The following PROX2 variants were observed in gnomAD, a reference collection of about 807,000 sequenced individuals.
PROX2 encodes prospero homeobox protein 2.
Under a neutral mutation model 48.9 loss-of-function variants are expected in PROX2, and 46 were observed. The ratio of observed to expected loss-of-function variants is 0.94; its 90% CI spans 0.74 to 1.20. PROX2 has a LOEUF of 1.20. Ranked by LOEUF, PROX2 falls within the 50% of genes most tolerant of loss-of-function variation. The pLI is 0.00. For missense variants in PROX2, 663 were observed against 719.4 expected (o/e 0.92, Z 0.90); for synonymous variants, 260 against 276.6 (o/e 0.94, Z 0.60).
At chr14:74,872,619 A>G (rs1213307054) in intron 1 of PROX2, among the ~76,000 whole-genome samples, 1 of 152,230 alleles carries the variant, frequency 6.6e-6, no homozygotes, top group African/African-American at 2.4e-5. Context: ...ACTGATGAAG[A>G]CTTGTTCAGG....
chr14:74,870,912 T>C (rs1883196948), intron 2 of PROX2, among the ~76,000 whole-genome samples, 191 bp downstream of exon 2: 1 of 152,114 alleles, frequency 6.6e-6, no homozygotes, highest in South Asian at 2.1e-4. Flanking sequence ...CGTGGTGGCA[T>C]GCATCTGTAA....
At chr14:74,873,866 T>C (rs1883274915) in intron 1 of PROX2, 7 of 446,664 alleles carry the variant, frequency 1.6e-5, no homozygotes, top group South Asian at 8.4e-5. Flanking sequence ...TAGGCTGTAG[T>C]GGTGGAATGC....
In PROX2 at chr14:74,853,669, C is replaced by T. The variant is rs1304134650; in HGVS notation, c.*1463G>A. On this transcript the variant is annotated 3_prime_UTR_variant, in exon 6 of 6. Transcript: ENST00000556489. ...CAGAAAAATTATGGAAGTTGAGTAG[C>T]CGAATATGAAACTTGTTTTATATAG... is the stretch of plus-strand genomic sequence containing the variant. 6.6e-6 allele frequency: 1 copy of T among 152,078 alleles called. No homozygotes were observed. Among genetic ancestry groups the T allele is most frequent in the Non-Finnish European group, 1.5e-5 (1 of 68,026 alleles). 9.4% of individuals were successfully genotyped at this position (152,078 alleles called of 1,614,324 possible).
At chr14:74,861,357 GA>G in intron 3 of PROX2, 1 of 572,004 alleles carries the variant, frequency 1.7e-6, no homozygotes, top group South Asian at 1.6e-5. Context: ...ATGCTTGTTA[GA>G]AGTGGTCATA....
At chr14:74,865,392 T>A (rs1004687853) in intron 2 of PROX2, 4 of 152,164 alleles carry the variant, frequency 2.6e-5, no homozygotes, top group Admixed American at 2.0e-4. Context: ...ATACCTGCTG[T>A]GAAGAGAAAG....
intron 1 of PROX2, among the ~76,000 whole-genome samples, chr14:74,875,398 C>T (rs1883318140): frequency 1.3e-5 from 2 of 152,164 alleles, no homozygotes; most frequent in African/African-American, 4.8e-5. Flanking sequence ...CCCAAGGTCA[C>T]ACAGCAGCTG....
chr14:74,863,131 G>A lies in PROX2; in HGVS notation c.704C>T (p.Ser235Phe). 1.2e-6 allele frequency: 2 copies of A among 1,614,054 alleles called. No homozygotes were observed. Among genetic ancestry groups the A allele is most frequent in the Non-Finnish European group, 1.7e-6 (2 of 1,179,894 alleles). Residue 235 changes from serine (S) to phenylalanine (F), a missense_variant, in exon 3 of 6, where the codon TCC becomes TTC. Physicochemically the swap from Ser to Phe is radical, Grantham distance 155 (BLOSUM62 -2). Transcript: ENST00000556489. The stretch of plus-strand genomic sequence containing the variant: ...TTGTAATACCGAGTCCACAGCCTGG[G>A]ACACTGCCCTGGTCAGCTCTTTCCT... ...ILRKELTRAVSQAVDSVLQKV... is the reference protein window; with the variant it reads ...ILRKELTRAVFQAVDSVLQKV...
At chr14:74,858,664 C>G (rs2091766809) in intron 3 of PROX2, 150 bp from the exon 4 acceptor site, 3 of 590,298 alleles carry the variant, frequency 5.1e-6, no homozygotes, top group Non-Finnish European at 9.1e-6. Context: ...TCTGGAAACT[C>G]TGGTCAAATA....
intron 2 of PROX2, among the ~76,000 whole-genome samples, chr14:74,868,310 T>TA (rs1883116389): frequency 2.1e-5 from 2 of 94,622 alleles, no homozygotes; most frequent in Non-Finnish European, 4.2e-5. Flanking sequence ...TAATTTCTCG[T>TA]AATTATATAT....
chr14:74,864,528 T>G (rs1320428787), intron 2 of PROX2, among the ~76,000 whole-genome samples: 1 of 152,170 alleles, frequency 6.6e-6, no homozygotes, highest in Non-Finnish European at 1.5e-5. Context: ...GGCAACAGAA[T>G]CACCCAAGGC....
chr14:74,858,359 G>T, intron 4 of PROX2, 48 bp downstream of exon 4: 1 of 1,191,852 alleles, frequency 8.4e-7, no homozygotes, highest in Non-Finnish European at 1.2e-6. Flanking sequence ...AAAACACACT[G>T]CCTCTTGGGA....
intron 3 of PROX2, among the ~76,000 whole-genome samples, chr14:74,861,798 G>A (rs2091796804): frequency 6.6e-6 from 1 of 152,084 alleles, no homozygotes; most frequent in Non-Finnish European, 1.5e-5. Flanking sequence ...TTCCTCATCT[G>A]CTCCCCAGGA....
intron 3 of PROX2, chr14:74,858,792 G>GTA: frequency 3.0e-6 from 1 of 335,698 alleles, no homozygotes; most frequent in South Asian, 3.3e-5. Context: ...GTGTGTGTGT[G>GTA]TGTGTGTGTG....
At chr14:74,869,215 A>C (rs891250229) in intron 2 of PROX2, among the ~76,000 whole-genome samples, 2 of 152,050 alleles carry the variant, frequency 1.3e-5, no homozygotes, top group Admixed American at 6.5e-5. Flanking sequence ...TTCTTTTCCA[A>C]CTGTCCTCCA....
Position 74,862,927 on chromosome 14 carries a change from A to C in PROX2, c.908T>G (p.Leu303Ter), listed in dbSNP as rs1317957581. The C allele has an allele frequency of 6.2e-7, 1 of 1,613,910 alleles. No individual in the cohort carries two copies. The highest frequency in any genetic ancestry group is 1.7e-5 in the Admixed American group (1 of 60,020). Residue 303 changes from leucine (L) to a stop codon, truncating the protein, a stop_gained, in exon 3 of 6, where the codon TTA becomes TGA. Transcript: ENST00000556489. LOFTEE classifies it high-confidence loss of function. ...QLQAGVPVGNLSLAKRLDSPR... is the reference protein window; with the variant it reads ...QLQAGVPVGN ...AGAATCTAGACGCTTGGCCAGTGAT[A>C]AATTTCCTACTGGGACCCCAGCTTG...
rs191699750 is a variant in PROX2, at chr14:74,853,043, A to T, written c.*2089T>A. ...TAGAATTCTTCTGTTGGCAGAGCAT[A>T]CATATTTATACATTCTTCTGTGTTT... On this transcript the variant is annotated 3_prime_UTR_variant, in exon 6 of 6. Transcript: ENST00000556489. 20 of 152,354 alleles carry T rather than the reference A, an allele frequency of 1.3e-4. No homozygotes were observed. Among genetic ancestry groups the T allele is most frequent in the Non-Finnish European group, 2.6e-4 (18 of 68,038 alleles). 9.4% of individuals were successfully genotyped at this position (152,354 alleles called of 1,614,324 possible).
Position 74,854,134 on chromosome 14 carries a change from G to A in PROX2, c.*998C>T, listed in dbSNP as rs978580714. ...AGCATGGGCCAGATGATCTCCTAAGGCCCTTTCTACCTTTCACAGTCTGAA... is the reference window on the plus strand; with the variant it reads ...AGCATGGGCCAGATGATCTCCTAAGACCCTTTCTACCTTTCACAGTCTGAA... On this transcript the variant is annotated 3_prime_UTR_variant, in exon 6 of 6. Coordinates refer to ENST00000556489, the MANE Select transcript of PROX2 (RefSeq NM_001243007.2). The A allele has an allele frequency of 5.9e-6, 2 of 336,972 alleles. No homozygotes were observed. The highest frequency in any genetic ancestry group is 4.4e-5 in the African/African-American group (2 of 45,904). 20.9% of individuals were successfully genotyped at this position (336,972 alleles called of 1,614,324 possible).
chr14:74,868,320 T>TATATAC (rs1883119838), intron 2 of PROX2, among the ~76,000 whole-genome samples: 1 of 31,530 alleles, frequency 3.2e-5, no homozygotes, highest in South Asian at 9.6e-4. Context: ...TAATTATATA[T>TATATAC]ATATATATAT....
In PROX2 at chr14:74,856,974, G is replaced by A; in HGVS notation, c.1435C>T (p.Gln479Ter). The change falls in exon 5 of 6, where the codon CAG (glutamine) becomes TAG (stop). Residue 479 changes from glutamine (Q) to a stop codon, truncating the protein, a stop_gained. Coordinates refer to ENST00000556489, the MANE Select transcript of PROX2 (RefSeq NM_001243007.2). LOFTEE classifies it high-confidence loss of function. ...AAGTTGCTGAACCACTTGATCATCTGGGAGGTAATGCAGCGGTTGAACTGT... is the reference window on the plus strand; with the variant it reads ...AAGTTGCTGAACCACTTGATCATCTAGGAGGTAATGCAGCGGTTGAACTGT... ...DVQFNRCITS[Q>*]MIKWFSNFRE... 1 of 1,613,892 alleles carries A rather than the reference G, an allele frequency of 6.2e-7. No individual in the cohort carries two copies. Among genetic ancestry groups the A allele is most frequent in the Non-Finnish European group, 8.5e-7 (1 of 1,179,850 alleles).
Sources: gnomAD v4.1 joint callset for allele counts (sites outside exome capture counted in the v4.1 genomes callset) on GRCh38, gnomAD v4.1.1 for gene constraint, MANE v1.5 for transcripts, NCBI Gene and HGNC (gene_info 2026-07-23, HGNC 2026-07-21) for gene names.